The following RTKN2 variants were observed in gnomAD, a reference collection of about 807,000 sequenced individuals.
RTKN2 encodes the protein rhotekin-2.
In RTKN2, 69 loss-of-function variants were observed where a neutral mutation model predicts 71.5. That is an observed-to-expected ratio of 0.96 (90% CI 0.79 to 1.18). RTKN2 has a LOEUF of 1.18. Among genes scored for constraint, RTKN2 ranks in the 50% most tolerant of loss-of-function variants. The pLI is 0.00. For missense variants in RTKN2, 724 were observed against 719.7 expected (o/e 1.01, Z -0.07); for synonymous variants, 236 against 236.5 (o/e 1.00, Z 0.02).
rs767103649 is a variant in RTKN2 at position 62,218,353 on chromosome 10, T to C, written c.782-52A>G. 6 of 1,188,996 alleles carry C rather than the reference T, an allele frequency of 5.0e-6. No individual in the cohort carries two copies. In the Admixed American group the frequency reaches 1.2e-4, roughly 23 times the overall value. 73.7% of individuals were successfully genotyped at this position (1,188,996 alleles called of 1,614,324 possible). A position where few individuals can be genotyped will look rare whatever the true frequency, so the allele number is the denominator to read the frequency against. ...AATCAAGTTATAAATATAAGTTTAT[T>C]TAAGGTCATCATACATTTTGATTTT... On this transcript the variant is annotated intron_variant, in intron 7 of 11. Coordinates refer to ENST00000373789, the MANE Select transcript of RTKN2 (RefSeq NM_145307.4).
downstream of RTKN2, among the ~76,000 whole-genome samples, chr10:62,188,428 T>C (rs1295472359): frequency 6.6e-6 from 1 of 152,186 alleles, no homozygotes; most frequent in Non-Finnish European, 1.5e-5. Flanking sequence ...TCACTTCCAT[T>C]ATATTCTCTG....
At chr10:62,198,897 G>A (rs1841385454) in intron 11 of RTKN2, among the ~76,000 whole-genome samples, 1 of 152,082 alleles carries the variant, frequency 6.6e-6, no homozygotes, top group African/African-American at 2.4e-5. Context: ...ATATTAGGAT[G>A]ACTGCATTTG....
At chr10:62,228,313 G>A (rs144774954) in intron 6 of RTKN2, among the ~76,000 whole-genome samples, 9 of 152,244 alleles carry the variant, frequency 5.9e-5, no homozygotes, top group Admixed American at 6.5e-5. Flanking sequence ...TATTCTAGAC[G>A]CCATATAAAA....
downstream of RTKN2, among the ~76,000 whole-genome samples, chr10:62,191,033 G>T (rs1260685841): frequency 6.6e-6 from 1 of 152,106 alleles, no homozygotes; most frequent in African/African-American, 2.4e-5. Context: ...CCCATTGGAT[G>T]AATTATCTTC....
rs1402141077 is a variant in RTKN2 at position 62,268,627 on chromosome 10, C to G, written c.-17G>C. ...CCCCTCCATCTCCAACGCGAACTGT[C>G]CGGGCCGTCGCCACTCCTTCAAAGG... On this transcript the variant is annotated 5_prime_UTR_variant, in exon 1 of 12. Coordinates refer to ENST00000373789, the MANE Select transcript of RTKN2 (RefSeq NM_145307.4). 1 of 1,552,690 alleles carries G rather than the reference C, an allele frequency of 6.4e-7. No homozygotes were observed. The highest frequency in any genetic ancestry group is 2.4e-5 in the East Asian group (1 of 41,272).
intron 5 of RTKN2, chr10:62,238,429 A>G (rs1273905671): frequency 6.6e-6 from 1 of 151,972 alleles, no homozygotes; most frequent in Non-Finnish European, 1.5e-5. Flanking sequence ...CCTGGAAAAA[A>G]AAGTCTGATT....
intron 2 of RTKN2, among the ~76,000 whole-genome samples, chr10:62,250,048 C>A (rs575867536): frequency 1.3e-5 from 2 of 152,298 alleles, no homozygotes; most frequent in East Asian, 3.9e-4. Flanking sequence ...AAAACAGAGA[C>A]TTCTACAAAT....
chr10:62,198,459 G>GAAA lies in RTKN2; in HGVS notation c.1295-19_1295-17dup. On this transcript the variant is annotated splice_polypyrimidine_tract_variant and intron_variant, in intron 11 of 11. Coordinates refer to ENST00000373789, the MANE Select transcript of RTKN2 (RefSeq NM_145307.4). Reference sequence around the variant, plus strand: ...GAATCAATGCCTATAATAATTTTAAGAAAAAAAAACATGAAAAAATTCAAA... The same window carrying GAAA: ...GAATCAATGCCTATAATAATTTTAAGAAAAAAAAAAAACATGAAAAAATTCAAA... The GAAA allele has an allele frequency of 7.4e-7, 1 of 1,359,668 alleles. No individual in the cohort carries two copies. The highest frequency in any genetic ancestry group is 9.8e-7 in the Non-Finnish European group (1 of 1,015,604). 84.2% of individuals were successfully genotyped at this position (1,359,668 alleles called of 1,614,324 possible).
intron 2 of RTKN2, among the ~76,000 whole-genome samples, chr10:62,258,247 ACTT>A (rs1842709644): frequency 6.6e-6 from 1 of 152,206 alleles, no homozygotes; most frequent in South Asian, 2.1e-4. Context: ...CATACAATGA[ACTT>A]CTTAGGACAT....
chr10:62,215,524 T>C (rs1399204667), intron 9 of RTKN2, among the ~76,000 whole-genome samples: 1 of 152,032 alleles, frequency 6.6e-6, no homozygotes, highest in Non-Finnish European at 1.5e-5. Context: ...TTCTGTATAT[T>C]AGATAATATT....
intron 6 of RTKN2, among the ~76,000 whole-genome samples, chr10:62,225,250 C>T (rs1253414600): frequency 6.6e-6 from 1 of 152,212 alleles, no homozygotes. Flanking sequence ...TTCAGTCTTT[C>T]AGTCTCTGTG....
Position 62,197,172 on chromosome 10 carries a change from C to G in RTKN2, c.*736G>C, listed in dbSNP as rs1841347588. ...ATTCCAAAGTCACAATGGAAATTAGCACCACACACAGAAAATTGAATGTAA... is the reference window on the plus strand; with the variant it reads ...ATTCCAAAGTCACAATGGAAATTAGGACCACACACAGAAAATTGAATGTAA... On this transcript the variant is annotated 3_prime_UTR_variant, in exon 12 of 12. Coordinates refer to ENST00000373789, the MANE Select transcript of RTKN2 (RefSeq NM_145307.4). 1.0e-6 allele frequency: 1 copy of G among 985,434 alleles called. No homozygotes were observed. The highest frequency in any genetic ancestry group is 1.7e-5 in the African/African-American group (1 of 57,216). 61.0% of individuals were successfully genotyped at this position (985,434 alleles called of 1,614,324 possible).
intron 8 of RTKN2, among the ~76,000 whole-genome samples, chr10:62,217,461 T>C (rs1841798383): frequency 6.6e-6 from 1 of 152,156 alleles, no homozygotes; most frequent in Non-Finnish European, 1.5e-5. Flanking sequence ...CTTAAAGGCA[T>C]TAAGTGAAAT....
intron 2 of RTKN2, among the ~76,000 whole-genome samples, chr10:62,251,493 T>C (rs909211096): frequency 6.6e-6 from 1 of 152,166 alleles, no homozygotes; most frequent in African/African-American, 2.4e-5. Context: ...CCCACCTGAC[T>C]TCTAATCACT....
In RTKN2 at chr10:62,218,197, G is replaced by A; in HGVS notation, c.886C>T (p.Gln296Ter). The A allele has an allele frequency of 6.2e-7, 1 of 1,601,164 alleles. No individual in the cohort carries two copies. ...TAGGATATTTAAAGTCCTCTAACCT[G>A]CTGATTAAGAAATCCTGCAAATGCA... is the stretch of plus-strand genomic sequence containing the variant. Reference protein sequence around the residue: ...EDAFAGFLNQQQMVEGLISWR... With the variant: ...EDAFAGFLNQ Residue 296 changes from glutamine to a stop codon, truncating the protein, a stop_gained and splice_region_variant, in exon 8 of 12, where the codon CAG becomes TAG. Transcript: ENST00000373789. LOFTEE classifies it high-confidence loss of function.
intron 2 of RTKN2, among the ~76,000 whole-genome samples, chr10:62,253,276 A>G (rs1842615137): frequency 6.6e-6 from 1 of 152,190 alleles, no homozygotes; most frequent in African/African-American, 2.4e-5. Context: ...TTATAATGCA[A>G]AAGGCTGCAG....
exon 9 of RTKN2, chr10:62,184,213 C>T (rs1841098533): frequency 4.4e-6 from 3 of 677,986 alleles, no homozygotes; most frequent in African/African-American, 2.1e-5. Context: ...GCTAGGAATA[C>T]AGGAAGGAGA....
At chr10:62,241,921 G>A (rs182627591) in intron 3 of RTKN2, among the ~76,000 whole-genome samples, 1 of 152,032 alleles carries the variant, frequency 6.6e-6, no homozygotes, top group East Asian at 1.9e-4. Flanking sequence ...GGATGGTCTT[G>A]ATCTCCTGAC....
chr10:62,206,332 GCTATACAGT>G (rs1396964062), intron 9 of RTKN2, among the ~76,000 whole-genome samples: 1 of 152,060 alleles, frequency 6.6e-6, no homozygotes, highest in Non-Finnish European at 1.5e-5. Flanking sequence ...GTGAAGAGAG[GCTATACAGT>G]CACACACCAA....
Sources: gnomAD v4.1 joint callset for allele counts (sites outside exome capture counted in the v4.1 genomes callset) on GRCh38, gnomAD v4.1.1 for gene constraint, MANE v1.5 for transcripts, NCBI Gene and HGNC (gene_info 2026-07-23, HGNC 2026-07-21) for gene names.